Variants in SHC4 observed in about 807,000 individuals in gnomAD.
The protein encoded by SHC4 is SHC adaptor protein 4.
A neutral mutation model predicts 69.4 loss-of-function variants in SHC4; 41 were observed. That is an observed-to-expected ratio of 0.59 (90% CI 0.46 to 0.77). The LOEUF is 0.77. Among genes scored for constraint, SHC4 ranks in the 30% least tolerant of loss-of-function variants. The probability of loss-of-function intolerance (pLI) is 0.00; values close to 1 mark genes in which losing one functional copy is unlikely to be tolerated. For synonymous variants in SHC4, 318 were observed against 299.3 expected, an observed-to-expected ratio of 1.06 and a Z score of -0.64; for missense variants, 777 against 783.8, an observed-to-expected ratio of 0.99 and a Z score of 0.10.
At chr15:48,878,641 G>T in intron 4 of SHC4, 4 of 1,614,054 alleles carry the variant, frequency 2.5e-6, no homozygotes, top group Non-Finnish European at 3.4e-6. Context: ...AGAAGACCCC[G>T]TTTGATCAGT....
chr15:48,881,537 T>C (rs1024588793), intron 4 of SHC4, among the ~76,000 whole-genome samples: 1 of 152,198 alleles, frequency 6.6e-6, no homozygotes, highest in Non-Finnish European at 1.5e-5. Context: ...TTGCATTACC[T>C]ACTTGGCCTC....
intron 2 of SHC4, among the ~76,000 whole-genome samples, chr15:48,919,635 G>A (rs1019526181): frequency 1.3e-5 from 2 of 151,742 alleles, no homozygotes; most frequent in Admixed American, 1.3e-4. Flanking sequence ...TGCCACCATG[G>A]ACCCATGATG....
intron 11 of SHC4, among the ~76,000 whole-genome samples, chr15:48,833,387 G>C (rs1228232705): frequency 6.6e-6 from 1 of 152,134 alleles, no homozygotes; most frequent in Non-Finnish European, 1.5e-5. Context: ...ACTATCCCTT[G>C]TTGTCCATGG....
intron 2 of SHC4, among the ~76,000 whole-genome samples, chr15:48,897,352 C>CA (rs1383248375): frequency 2.0e-5 from 3 of 151,816 alleles, no homozygotes; most frequent in Non-Finnish European, 2.9e-5. Flanking sequence ...GCCATAAGAC[C>CA]AAAAAAAGAT....
intron 8 of SHC4, among the ~76,000 whole-genome samples, chr15:48,852,915 A>AAAATAAATAAATAAAT (rs35921296): frequency 1.4e-5 from 2 of 143,010 alleles, no homozygotes; most frequent in African/African-American, 5.1e-5. Flanking sequence ...AAAATATATA[A>AAAATAAATAAATAAAT]AAATAAATAA....
chr15:48,898,583 T>A, intron 2 of SHC4, among the ~76,000 whole-genome samples: 1 of 152,228 alleles, frequency 6.6e-6, no homozygotes. Flanking sequence ...AGGAAATGGG[T>A]TTGTCTGTCT....
intron 9 of SHC4, among the ~76,000 whole-genome samples, chr15:48,847,521 A>G (rs772824671): frequency 4.6e-5 from 7 of 152,190 alleles, no homozygotes; most frequent in Non-Finnish European, 8.8e-5. Flanking sequence ...ATACACTGGA[A>G]TTCAAGTTTG....
At chr15:48,920,677 C>G (rs999111601) in intron 2 of SHC4, among the ~76,000 whole-genome samples, 7 of 152,032 alleles carry the variant, frequency 4.6e-5, no homozygotes, top group Non-Finnish European at 8.8e-5. Context: ...ATATCAAAAG[C>G]CTTTAAAACA....
intron 1 of SHC4, among the ~76,000 whole-genome samples, chr15:48,927,074 T>C (rs1168423816): frequency 6.6e-6 from 1 of 152,166 alleles, no homozygotes; most frequent in East Asian, 1.9e-4. Flanking sequence ...TCTTCAACTG[T>C]AAGTGTTATT....
At chr15:48,913,049 G>C (rs1327383167) in intron 2 of SHC4, among the ~76,000 whole-genome samples, 1 of 46,408 alleles carries the variant, frequency 2.2e-5, no homozygotes, top group Non-Finnish European at 5.8e-5. Context: ...TTGGTGGTTT[G>C]ATGCTCTATT....
intron 1 of SHC4, among the ~76,000 whole-genome samples, chr15:48,949,881 TG>T (rs969332466): frequency 2.8e-5 from 4 of 145,244 alleles, no homozygotes; most frequent in Non-Finnish European, 6.0e-5. Context: ...AATTTTATAA[TG>T]TATGTATACA....
chr15:48,834,265 T>C (rs1415258477), intron 11 of SHC4, among the ~76,000 whole-genome samples: 1 of 152,238 alleles, frequency 6.6e-6, no homozygotes, highest in Non-Finnish European at 1.5e-5. Flanking sequence ...TTTTGAAATC[T>C]TGCCTTCTTT....
chr15:48,833,541 G>A (rs999226514), intron 11 of SHC4, among the ~76,000 whole-genome samples: 15 of 152,112 alleles, frequency 9.9e-5, no homozygotes, highest in Admixed American at 7.9e-4. Context: ...GAACCTTCAA[G>A]TTGTGTACTT....
intron 2 of SHC4, among the ~76,000 whole-genome samples, chr15:48,892,747 C>T (rs993571415): frequency 3.3e-5 from 5 of 151,418 alleles, no homozygotes; most frequent in African/African-American, 1.2e-4. Context: ...CCAGTAATCC[C>T]AGCTACTTGG....
rs1191789063 is a variant in SHC4 at position 48,963,915 on chromosome 15, T to C, written c.-900A>G. ...GTGTGTGTGCAAGCTAATAAATCTGTGAATGAAGCTGAGAATAGCTGTAAT... is the reference window on the plus strand; with the variant it reads ...GTGTGTGTGCAAGCTAATAAATCTGCGAATGAAGCTGAGAATAGCTGTAAT... On this transcript the variant is annotated 5_prime_UTR_variant, in exon 1 of 12. Coordinates refer to ENST00000332408, the MANE Select transcript of SHC4 (RefSeq NM_203349.4). Among the ~76,000 whole-genome samples the C allele has an allele frequency of 6.6e-6, 1 of 152,214 alleles. No individual in the cohort carries two copies. Among genetic ancestry groups the C allele is most frequent in the Non-Finnish European group, 1.5e-5 (1 of 68,044 alleles).
Position 48,841,898 on chromosome 15 carries a change from C to T in SHC4, c.1483+1511G>A, listed in dbSNP as rs76474896. ...TGGTTCTTAATCTAGACAGTTAAGACGGTCTGCTGAGATCCAGGCTCAACA... is the reference window on the plus strand; with the variant it reads ...TGGTTCTTAATCTAGACAGTTAAGATGGTCTGCTGAGATCCAGGCTCAACA... On this transcript the variant is annotated intron_variant, in intron 10 of 11. Coordinates refer to ENST00000332408, the MANE Select transcript of SHC4 (RefSeq NM_203349.4). 1.9e-3 allele frequency among the ~76,000 whole-genome samples: 284 copies of T among 152,314 alleles called. 2 individuals carry two copies. Among genetic ancestry groups the T allele is most frequent in the Middle Eastern group, 6.8e-3 (2 of 294 alleles).
At chr15:48,949,241 G>T (rs896252964) in intron 1 of SHC4, among the ~76,000 whole-genome samples, 19 of 149,484 alleles carry the variant, frequency 1.3e-4, no homozygotes, top group African/African-American at 4.7e-4. Flanking sequence ...CATGGTGGTG[G>T]GCGCCTGTAG....
At chr15:48,835,998 T>G (rs1274483051) in intron 10 of SHC4, among the ~76,000 whole-genome samples, 1 of 110,552 alleles carries the variant, frequency 9.0e-6, no homozygotes, top group African/African-American at 3.7e-5. Context: ...GGAAACATGA[T>G]GAAATCCTGT....
intron 2 of SHC4, among the ~76,000 whole-genome samples, chr15:48,911,308 A>G (rs934256928): frequency 2.6e-5 from 4 of 152,154 alleles, no homozygotes; most frequent in South Asian, 4.1e-4. Context: ...GCCTTTTACC[A>G]TTATATAATG....
Sources: allele counts gnomAD v4.1 joint callset (sites outside exome capture counted in the v4.1 genomes callset), GRCh38; gene constraint gnomAD v4.1.1; transcripts MANE v1.5; gene names NCBI Gene and HGNC (gene_info 2026-07-23, HGNC 2026-07-21).